The following COL22A1 variants were observed in gnomAD, a reference collection of about 807,000 sequenced individuals.
The protein encoded by COL22A1 is collagen alpha-1(XXII) chain.
A neutral mutation model predicts 248.9 loss-of-function variants in COL22A1; 221 were observed. That is an observed-to-expected ratio of 0.89 (90% CI 0.80 to 0.99). The LOEUF is 0.99. Ranked by LOEUF, COL22A1 falls within the 50% of genes least tolerant of loss-of-function variation. The probability of loss-of-function intolerance (pLI) is 0.00; values close to 1 mark genes in which losing one functional copy is unlikely to be tolerated. For synonymous variants in COL22A1, 891 were observed against 793.4 expected, an observed-to-expected ratio of 1.12 and a Z score of -2.07; for missense variants, 2,240 against 2,179.0, an observed-to-expected ratio of 1.03 and a Z score of -0.56.
At chr8:138,718,594 C>A (rs1416708430) in intron 27 of COL22A1, among the ~76,000 whole-genome samples, 2 of 152,182 alleles carry the variant, frequency 1.3e-5, no homozygotes, top group East Asian at 3.8e-4. Context: ...ATCTGCCATC[C>A]ATGACTTAGT....
chr8:138,846,616 G>A (rs1821261515), intron 3 of COL22A1, among the ~76,000 whole-genome samples: 1 of 151,976 alleles, frequency 6.6e-6, no homozygotes, highest in Non-Finnish European at 1.5e-5. Flanking sequence ...CAGCCTTCCT[G>A]GGGATGGTGG....
chr8:138,744,442 G>A (rs936485340), intron 22 of COL22A1, among the ~76,000 whole-genome samples: 5 of 151,814 alleles, frequency 3.3e-5, no homozygotes, highest in Non-Finnish European at 1.5e-5. Flanking sequence ...TAACTTCCAT[G>A]TTAGAATTCT....
intron 23 of COL22A1, among the ~76,000 whole-genome samples, chr8:138,734,161 T>C (rs1463034521): frequency 1.3e-5 from 2 of 152,160 alleles, no homozygotes; most frequent in Non-Finnish European, 2.9e-5. Context: ...CTCCCATCCA[T>C]GGAAACTGTG....
chr8:138,634,408 C>T (rs2132019983), intron 49 of COL22A1, among the ~76,000 whole-genome samples: 1 of 152,148 alleles, frequency 6.6e-6, no homozygotes, highest in East Asian at 1.9e-4. Flanking sequence ...ACACTAATTT[C>T]CAGTGCCTGT....
chr8:138,724,795 C>T, intron 24 of COL22A1, 127 bp from the exon 25 acceptor site: 1 of 813,258 alleles, frequency 1.2e-6, no homozygotes, highest in Non-Finnish European at 2.1e-6. Flanking sequence ...CCTCTACTGT[C>T]CTTGGTCATC....
At chr8:138,611,486 T>G (rs1818859934) in intron 56 of COL22A1, among the ~76,000 whole-genome samples, 1 of 152,208 alleles carries the variant, frequency 6.6e-6, no homozygotes, top group Non-Finnish European at 1.5e-5. Context: ...CCTGGGGGGC[T>G]CTGGAGCAGG....
chr8:138,776,525 G>A lies in COL22A1; in HGVS notation c.1759-515C>T, dbSNP rs1009911187. 2.0e-5 allele frequency among the ~76,000 whole-genome samples: 3 copies of A among 152,118 alleles called. 1 individual carries two copies. The South Asian group carries it at 6.2e-4, about 32-fold the overall frequency. ...TTATCTAGAGCAGCACCTAGACCTT[G>A]TGCTGTGGACTCCCTGCCCCTCTGT... On this transcript the variant is annotated intron_variant, in intron 15 of 64. Transcript: ENST00000303045.
intron 59 of COL22A1, among the ~76,000 whole-genome samples, chr8:138,603,251 G>A (rs1302133557): frequency 6.6e-6 from 1 of 152,124 alleles, no homozygotes; most frequent in African/African-American, 2.4e-5. Flanking sequence ...GGTGGCGGTG[G>A]GCATGAGTTG....
At chr8:138,816,365 C>A (rs1015549188) in intron 7 of COL22A1, among the ~76,000 whole-genome samples, 15 of 152,214 alleles carry the variant, frequency 9.9e-5, no homozygotes, top group Non-Finnish European at 2.2e-4. Context: ...GATTTCACCT[C>A]CTGACATCAC....
chr8:138,767,646 G>T (rs1292066354), intron 16 of COL22A1, among the ~76,000 whole-genome samples: 1 of 152,186 alleles, frequency 6.6e-6, no homozygotes, highest in Admixed American at 6.5e-5. Context: ...CATTTCAAGC[G>T]ATCGTATGGG....
chr8:138,644,618 C>T (rs1822031055), intron 47 of COL22A1, among the ~76,000 whole-genome samples: 1 of 152,126 alleles, frequency 6.6e-6, no homozygotes, highest in African/African-American at 2.4e-5. Flanking sequence ...TCTGCTTCAC[C>T]TTTTGACGTC....
At chr8:138,643,647 T>TAGATAGATAGATAGATAGAC (rs568597361) in intron 47 of COL22A1, among the ~76,000 whole-genome samples, 11 of 26,594 alleles carry the variant, frequency 4.1e-4, no homozygotes, top group Non-Finnish European at 6.7e-4. Flanking sequence ...GATAGATAGA[T>TAGATAGATAGATAGATAGAC]AGACAGATAG....
chr8:138,815,073 C>T (rs1818567836), intron 7 of COL22A1, among the ~76,000 whole-genome samples: 1 of 152,206 alleles, frequency 6.6e-6, no homozygotes, highest in Admixed American at 6.5e-5. Flanking sequence ...CACACGCTTT[C>T]TCTTGCCTGT....
rs1243295584 is a variant in COL22A1 at position 138,716,721 on chromosome 8, A to G, written c.2400+104T>C. 5.8e-6 allele frequency: 5 copies of G among 861,016 alleles called. No individual in the cohort carries two copies. The East Asian group carries it at 7.8e-5, about 13-fold the overall frequency. The allele number at this position is 861,016 out of a possible 1,614,324, so 53.3% of individuals were successfully genotyped here. ...CTGGACATATAGTGAGCTCCCAAAA[A>G]CCAGGATTAATTCCTCTTGGCATCT... On this transcript the variant is annotated intron_variant, in intron 28 of 64. Coordinates refer to ENST00000303045, the MANE Select transcript of COL22A1 (RefSeq NM_152888.3).
intron 4 of COL22A1, 52 bp from the exon 5 acceptor site, chr8:138,833,202 G>T: frequency 1.5e-6 from 2 of 1,326,000 alleles, no homozygotes; most frequent in Non-Finnish European, 2.2e-6. Context: ...GAGTATAAGA[G>T]ACAAAGGAAA....
At chr8:138,881,658 C>T (rs965814574) in intron 2 of COL22A1, among the ~76,000 whole-genome samples, 1 of 152,216 alleles carries the variant, frequency 6.6e-6, no homozygotes, top group African/African-American at 2.4e-5. Flanking sequence ...GCACTCCAGC[C>T]TGGGCGACAG....
intron 22 of COL22A1, among the ~76,000 whole-genome samples, chr8:138,747,687 A>T (rs1238946101): frequency 1.3e-5 from 2 of 152,194 alleles, no homozygotes; most frequent in Non-Finnish European, 2.9e-5. Flanking sequence ...CCAGAATATA[A>T]ACAGCATGAG....
chr8:138,671,734 A>G (rs1587825850), intron 41 of COL22A1, among the ~76,000 whole-genome samples: 1 of 152,220 alleles, frequency 6.6e-6, no homozygotes, highest in African/African-American at 2.4e-5. Context: ...CTTGATGTGT[A>G]CCTTACACTG....
intron 63 of COL22A1, among the ~76,000 whole-genome samples, chr8:138,593,579 T>C (rs968460192): frequency 1.3e-5 from 2 of 152,150 alleles, no homozygotes; most frequent in African/African-American, 2.4e-5. Flanking sequence ...AGACCTTCTG[T>C]TGGCTGGAGC....
Sources: gnomAD v4.1 joint callset for allele counts (sites outside exome capture counted in the v4.1 genomes callset) on GRCh38, gnomAD v4.1.1 for gene constraint, MANE v1.5 for transcripts, NCBI Gene and HGNC (gene_info 2026-07-23, HGNC 2026-07-21) for gene names.